ZC3H12B: variants seen among roughly 807,000 people sequenced by gnomAD.
ZC3H12B encodes the protein zinc finger CCCH-type containing 12B.
In ZC3H12B, 7 loss-of-function variants were observed where a neutral mutation model predicts 43.9. The observed-to-expected ratio is 0.16, with a 90% CI of 0.09 to 0.30. The LOEUF (loss-of-function observed/expected upper bound fraction) is 0.30. ZC3H12B is among the 10% of genes least tolerant of loss of function. The probability of loss-of-function intolerance (pLI) is 1.00; values close to 1 mark genes in which losing one functional copy is unlikely to be tolerated. For synonymous variants in ZC3H12B, 222 were observed against 241.7 expected (o/e 0.92, Z 0.76); for missense variants, 475 against 670.2 (o/e 0.71, Z 3.22).
At chrX:65,489,202 C>G in exon 1 of ZC3H12B, 1 of 1,211,493 alleles carries the variant, frequency 8.3e-7, no homozygotes, top group Non-Finnish European at 1.1e-6. Context: ...AAGCTGGGCC[C>G]AGAATCACTT....
chrX:65,071,618 C>T, the ZC3H12B span, among the ~76,000 whole-genome samples: 1 of 111,662 alleles, frequency 9.0e-6, no homozygotes, highest in African/African-American at 3.3e-5. Context: ...ATAGTGTTTC[C>T]TTCAGGAGCT....
chrX:65,439,369 G>A (rs1447396425), intron 3 of ZC3H12B, among the ~76,000 whole-genome samples: 1 of 111,603 alleles, frequency 9.0e-6, no homozygotes, highest in African/African-American at 3.3e-5. Context: ...TGAACATAGT[G>A]TGGCAGTGGC....
At chrX:65,482,511 T>C (rs2068076268) in intron 3 of ZC3H12B, among the ~76,000 whole-genome samples, 1 of 112,151 alleles carries the variant, frequency 8.9e-6, no homozygotes, top group Non-Finnish European at 1.9e-5. Flanking sequence ...TGAATTTGAA[T>C]TCTCCATGTA....
chrX:65,158,837 A>T, the ZC3H12B span, among the ~76,000 whole-genome samples: 2 of 112,021 alleles, frequency 1.8e-5, no homozygotes, highest in Non-Finnish European at 3.8e-5. Context: ...TTAGACATAA[A>T]GTCCTTGCCC....
At chrX:65,277,715 A>G in the ZC3H12B span, among the ~76,000 whole-genome samples, 2 of 111,476 alleles carry the variant, frequency 1.8e-5, no homozygotes, top group African/African-American at 6.5e-5. Flanking sequence ...AGTAAAAGCA[A>G]TATTAAGAGG....
the ZC3H12B span, among the ~76,000 whole-genome samples, chrX:65,154,043 A>C: frequency 7.2e-5 from 8 of 110,790 alleles, no homozygotes; most frequent in Admixed American, 1.9e-4. Flanking sequence ...GAACACATGG[A>C]CACAGGAAGG....
In ZC3H12B at chrX:65,405,289, A is replaced by G. The variant is rs181548857; in HGVS notation, n.407+6585A>G. Among the ~76,000 whole-genome samples the G allele has an allele frequency of 3.6e-5, 4 of 112,659 alleles. No individual in the cohort carries two copies. The Admixed American group carries it at 3.7e-4, about 11-fold the overall frequency. On this transcript the variant is annotated intron_variant and non_coding_transcript_variant, in intron 3 of 5. Transcript: ENST00000617377. ...TAATGATACATCTTAAAGAAATAGA[A>G]AAGCAAAAGCAAACCAAACCTAAAA...
intron 2 of ZC3H12B, among the ~76,000 whole-genome samples, chrX:65,394,951 G>A (rs938104588): frequency 4.5e-5 from 5 of 111,013 alleles, no homozygotes; most frequent in South Asian, 3.8e-4. Flanking sequence ...GTATTTCTAG[G>A]CATTTTATTC....
chrX:65,153,375 A>C, the ZC3H12B span, among the ~76,000 whole-genome samples: 1 of 112,211 alleles, frequency 8.9e-6, no homozygotes, highest in Non-Finnish European at 1.9e-5. Flanking sequence ...ATGAACTCAA[A>C]CAAATTTACA....
chrX:65,205,286 T>A, the ZC3H12B span, among the ~76,000 whole-genome samples: 1 of 111,855 alleles, frequency 8.9e-6, no homozygotes, highest in East Asian at 2.8e-4. Flanking sequence ...CCAATTCTAG[T>A]TTGTTTAACT....
chrX:65,084,439 G>A, the ZC3H12B span, among the ~76,000 whole-genome samples: 1 of 111,749 alleles, frequency 8.9e-6, no homozygotes, highest in African/African-American at 3.3e-5. Context: ...ATCAAAAAAT[G>A]GGCAAAATAT....
At chrX:65,331,633 A>C in the ZC3H12B span, among the ~76,000 whole-genome samples, 2 of 110,367 alleles carry the variant, frequency 1.8e-5, no homozygotes, top group East Asian at 5.7e-4. Context: ...AAGTAAAGGA[A>C]TAAAAGAATG....
At chrX:65,397,418 T>C (rs1250023191) in intron 2 of ZC3H12B, among the ~76,000 whole-genome samples, 1 of 111,761 alleles carries the variant, frequency 8.9e-6, no homozygotes, top group Non-Finnish European at 1.9e-5. Flanking sequence ...CAGCATTTGC[T>C]TGTCTGTAAA....
exon 5 of ZC3H12B, chrX:65,502,660 G>C (rs1569427538): frequency 8.3e-7 from 1 of 1,209,552 alleles, no homozygotes. Flanking sequence ...CCCACAAACA[G>C]TCAGTCCCCC....
At chrX:65,137,822 G>C in the ZC3H12B span, among the ~76,000 whole-genome samples, 1 of 112,350 alleles carries the variant, frequency 8.9e-6, no homozygotes, top group African/African-American at 3.2e-5. Context: ...ATTGACCATA[G>C]TCACATAATT....
chrX:65,114,461 C>T, the ZC3H12B span, among the ~76,000 whole-genome samples: 1 of 109,854 alleles, frequency 9.1e-6, no homozygotes, highest in African/African-American at 3.3e-5. Context: ...TATTGAATTT[C>T]TTGTGAGAGT....
chrX:65,143,175 C>G, the ZC3H12B span, among the ~76,000 whole-genome samples: 1 of 111,461 alleles, frequency 9.0e-6, no homozygotes, highest in Non-Finnish European at 1.9e-5. Flanking sequence ...TCCGTGATTT[C>G]TTTCAGTAGT....
the ZC3H12B span, chrX:65,356,869 T>G: frequency 3.0e-6 from 1 of 334,500 alleles, no homozygotes; most frequent in Non-Finnish European, 5.7e-6. Context: ...CAGTCGAAAG[T>G]GAGATACCAT....
intron 2 of ZC3H12B, among the ~76,000 whole-genome samples, chrX:65,376,663 G>A (rs1206326829): frequency 8.9e-6 from 1 of 111,888 alleles, no homozygotes; most frequent in African/African-American, 3.2e-5. Context: ...CTTATCCAAG[G>A]CCACCAAAGT....
Sources: gnomAD v4.1 joint callset for allele counts (sites outside exome capture counted in the v4.1 genomes callset) on GRCh38, gnomAD v4.1.1 for gene constraint, MANE v1.5 for transcripts, NCBI Gene and HGNC (gene_info 2026-07-23, HGNC 2026-07-21) for gene names.